COQ7: variants seen among roughly 807,000 people sequenced by gnomAD.
The protein encoded by COQ7 is NADPH-dependent 3-demethoxyubiquinone 3-hydroxylase, mitochondrial.
COQ7 carries 21 observed loss-of-function variants against 25.0 expected under a neutral mutation model. That is an observed-to-expected ratio of 0.84 (90% CI 0.60 to 1.21). The LOEUF is 1.21. COQ7 is among the 50% of genes most tolerant of loss of function. The pLI is 0.00. For synonymous variants in COQ7, 125 were observed against 112.4 expected, an observed-to-expected ratio of 1.11 and a Z score of -0.71; for missense variants, 311 against 296.2, an observed-to-expected ratio of 1.05 and a Z score of -0.37.
At position 19,072,227 on chromosome 16, in the gene COQ7, C is replaced by T. The variant is rs9673167; in HGVS notation, c.252+121C>T. 0.63 allele frequency: 767,643 copies of T among 1,223,590 alleles called. 246,158 individuals are homozygous for T. Among genetic ancestry groups the T allele is most frequent in the East Asian group, 0.83 (34,043 of 41,254 alleles). The allele number at this position is 1,223,590 out of a possible 1,614,324, so 75.8% of individuals were successfully genotyped here. A position where few individuals can be genotyped will look rare whatever the true frequency, so the allele number is the denominator to read the frequency against. On this transcript the variant is annotated intron_variant, in intron 2 of 5. Coordinates refer to ENST00000321998, the MANE Select transcript of COQ7 (RefSeq NM_016138.5). ...GGAGATGCCATTGTCTCCAGGAGAG[C>T]GAAGGTTGGTTCTTGGTGGAGATGG...
intron 1 of COQ7, among the ~76,000 whole-genome samples, chr16:19,070,425 AAACATTACAAAGTGATACCAATGCTGG>A (rs1962494107): frequency 6.6e-6 from 1 of 152,206 alleles, no homozygotes; most frequent in Non-Finnish European, 1.5e-5. Context: ...AAGAGCCCTA[AAACATTACAAAGTGATACCAATGCTGG>A]CTGGGCATGG....
chr16:19,068,371 C>G, intron 1 of COQ7: 1 of 989,344 alleles, frequency 1.0e-6, no homozygotes, highest in Non-Finnish European at 1.2e-6. Flanking sequence ...TTGTCATGAG[C>G]CCGGGCGCGG....
At chr16:19,077,434 CAGG>C in intron 5 of COQ7, 60 bp downstream of exon 5, 1 of 1,402,402 alleles carries the variant, frequency 7.1e-7, no homozygotes, top group Non-Finnish European at 1.0e-6. Context: ...GCTGAAGGGG[CAGG>C]AGGTTTCTGT....
chr16:19,077,602 T>TTTTTTTTTTTTTTTTTTTTC (rs1383551592), intron 5 of COQ7, among the ~76,000 whole-genome samples: 4 of 140,370 alleles, frequency 2.8e-5, no homozygotes, highest in Non-Finnish European at 6.3e-5. Context: ...TTTTTTTTTT[T>TTTTTTTTTTTTTTTTTTTTC]TTCCCAGACA....
At chr16:19,077,127 T>C (rs534047024) in intron 4 of COQ7, among the ~76,000 whole-genome samples, 179 bp from the exon 5 acceptor site, 15 of 152,374 alleles carry the variant, frequency 9.8e-5, no homozygotes, top group African/African-American at 3.4e-4. Flanking sequence ...TCCGGCTGCT[T>C]TTCTGGTTAC....
At chr16:19,071,468 T>C (rs1024547639) in intron 1 of COQ7, among the ~76,000 whole-genome samples, 1 of 152,266 alleles carries the variant, frequency 6.6e-6, no homozygotes, top group Admixed American at 6.5e-5. Context: ...TAGTCTGTGG[T>C]TCTCAGCCTT....
At chr16:19,071,874 A>G in intron 1 of COQ7, 54 bp from the exon 2 acceptor site, 4 of 1,602,308 alleles carry the variant, frequency 2.5e-6, no homozygotes, top group Non-Finnish European at 3.4e-6. Context: ...TGTCTGTAAA[A>G]GGAACATCTG....
At chr16:19,067,825 G>A in intron 1 of COQ7, 88 bp downstream of exon 1, 1 of 1,535,310 alleles carries the variant, frequency 6.5e-7, no homozygotes, top group Non-Finnish European at 8.6e-7. Flanking sequence ...AGGTCACGGG[G>A]GAGAGGTTCG....
chr16:19,069,709 C>A (rs1369624253), intron 1 of COQ7, among the ~76,000 whole-genome samples: 1 of 151,766 alleles, frequency 6.6e-6, no homozygotes, highest in African/African-American at 2.4e-5. Context: ...CCGCACCCAG[C>A]CAATTTTATA....
At position 19,068,941 on chromosome 16, in the gene COQ7, C is replaced by G. The variant is rs773825250; in HGVS notation, c.73+1204C>G. ...GTTATGAAATTGTATTAAATACTGT[C>G]TTTCTGTTACAAAGGGGAAATTAGC... On this transcript the variant is annotated intron_variant, in intron 1 of 5. Coordinates refer to ENST00000321998, the MANE Select transcript of COQ7 (RefSeq NM_016138.5). 593 of 426,380 alleles carry G rather than the reference C, an allele frequency of 1.4e-3. 14 individuals carry two copies. Among genetic ancestry groups the G allele is most frequent in the Middle Eastern group, 3.1e-3 (6 of 1,938 alleles). The allele number at this position is 426,380 out of a possible 1,614,324, so 26.4% of individuals were successfully genotyped here.
rs1963017179 is a variant in COQ7, at chr16:19,079,219, G to A, written c.*1061G>A. The A allele has an allele frequency of 6.6e-6, 1 of 152,246 alleles. No homozygotes were observed. Among genetic ancestry groups the A allele is most frequent in the Non-Finnish European group, 1.5e-5 (1 of 68,094 alleles). 9.4% of individuals were successfully genotyped at this position (152,246 alleles called of 1,614,324 possible). A position where few individuals can be genotyped will look rare whatever the true frequency, so the allele number is the denominator to read the frequency against. ...CAGCACTTTGATCACGGACTTCCCA[G>A]CCTCTAGGACTGTGAGCAATAAATG... On this transcript the variant is annotated 3_prime_UTR_variant, in exon 6 of 6. Coordinates refer to ENST00000321998, the MANE Select transcript of COQ7 (RefSeq NM_016138.5).
intron 1 of COQ7, chr16:19,068,061 T>A: frequency 8.4e-7 from 1 of 1,197,366 alleles, no homozygotes; most frequent in Non-Finnish European, 1.0e-6. Context: ...AAATTCAGCG[T>A]CTCCGGGAGT....
chr16:19,072,432 C>T (rs1421978306), intron 2 of COQ7: 1 of 263,728 alleles, frequency 3.8e-6, no homozygotes, highest in Non-Finnish European at 7.3e-6. Flanking sequence ...AGCCCTGCCC[C>T]CTACCGTGCC....
At chr16:19,075,166 C>T (rs1449016378) in intron 3 of COQ7, among the ~76,000 whole-genome samples, 1 of 151,758 alleles carries the variant, frequency 6.6e-6, no homozygotes, top group Non-Finnish European at 1.5e-5. Flanking sequence ...GAGTTTGTCC[C>T]CCTGATGAGG....
In COQ7 at chr16:19,067,634, A is replaced by T. The variant is rs762101207; in HGVS notation, c.-31A>T. ...AGGGCACTATTGGCCAGTTCCGTTC[A>T]ACGAAGTGGTTGCTTTTTTTAGTTC... On this transcript the variant is annotated 5_prime_UTR_variant, in exon 1 of 6. Coordinates refer to ENST00000321998, the MANE Select transcript of COQ7 (RefSeq NM_016138.5). The T allele has an allele frequency of 1.5e-5, 25 of 1,613,542 alleles. No homozygotes were observed. The highest frequency in any genetic ancestry group is 1.8e-5 in the Non-Finnish European group (21 of 1,179,646).
chr16:19,075,820 T>G lies in COQ7; in HGVS notation c.467T>G (p.Leu156Arg), dbSNP rs1400703292. The G allele has an allele frequency of 1.2e-6, 2 of 1,614,206 alleles. No individual in the cohort carries two copies. Among genetic ancestry groups the G allele is most frequent in the East Asian group, 4.5e-5 (2 of 44,886 alleles). ...AHHYNNQIRTLMEEDPEKYEE... is the reference protein window; with the variant it reads ...AHHYNNQIRTRMEEDPEKYEE... ...CACTACAACAACCAGATCAGGACGCTGATGGAGGAGGACCCTGAAAAATAC... is the reference window on the plus strand; with the variant it reads ...CACTACAACAACCAGATCAGGACGCGGATGGAGGAGGACCCTGAAAAATAC... Residue 156 changes from leucine (L) to arginine (R), a missense_variant, in exon 4 of 6, where the codon CTG (leucine) becomes CGG (arginine). By Grantham distance (102) the Leu-to-Arg change is moderately radical. Coordinates refer to ENST00000321998, the MANE Select transcript of COQ7 (RefSeq NM_016138.5).
downstream of COQ7, among the ~76,000 whole-genome samples, chr16:19,082,105 G>C (rs144229576): frequency 3.3e-3 from 509 of 152,294 alleles, 13 homozygotes; most frequent in Admixed American, 0.032. Flanking sequence ...AACAACTCAT[G>C]TCCATCAACT....
chr16:19,070,691 C>A (rs564494256), intron 1 of COQ7, among the ~76,000 whole-genome samples: 3 of 151,546 alleles, frequency 2.0e-5, no homozygotes, highest in Admixed American at 2.0e-4. Flanking sequence ...GTGGAGTTTG[C>A]GGTGAGCCAA....
At chr16:19,076,953 T>C (rs1309024893) in intron 4 of COQ7, among the ~76,000 whole-genome samples, 4 of 152,218 alleles carry the variant, frequency 2.6e-5, no homozygotes, top group Non-Finnish European at 5.9e-5. Context: ...TTAGATTGAA[T>C]AAATGAATAG....
Sources: allele counts gnomAD v4.1 joint callset (sites outside exome capture counted in the v4.1 genomes callset), GRCh38; gene constraint gnomAD v4.1.1; transcripts MANE v1.5; gene names NCBI Gene and HGNC (gene_info 2026-07-23, HGNC 2026-07-21).